NAV1: variants seen among roughly 807,000 people sequenced by gnomAD.
NAV1 encodes the protein pore membrane and/or filament interacting like protein 3.
In NAV1, 18 loss-of-function variants were observed where a neutral mutation model predicts 175.2. The ratio of observed to expected loss-of-function variants is 0.10; its 90% CI spans 0.07 to 0.15. The LOEUF is 0.15. NAV1 is among the 10% of genes least tolerant of loss of function. The pLI, the probability that NAV1 is intolerant of heterozygous loss-of-function variation, is 1.00. For missense variants in NAV1, 1,731 were observed against 2,436.6 expected, an observed-to-expected ratio of 0.71 and a Z score of 6.10; for synonymous variants, 897 against 978.7, an observed-to-expected ratio of 0.92 and a Z score of 1.56.
intron 2 of NAV1, among the ~76,000 whole-genome samples, chr1:201,715,749 G>A (rs911300025): frequency 3.9e-5 from 6 of 152,216 alleles, no homozygotes; most frequent in African/African-American, 1.2e-4. Context: ...TTTTCACCCA[G>A]GAACTCCCAG....
chr1:201,665,614 C>G (rs1267549237), intron 1 of NAV1, among the ~76,000 whole-genome samples: 1 of 151,712 alleles, frequency 6.6e-6, no homozygotes, highest in East Asian at 1.9e-4. Flanking sequence ...CCACCACCTC[C>G]TGAGGTCAGC....
chr1:201,710,038 A>G (rs1190180013), intron 1 of NAV1, among the ~76,000 whole-genome samples: 1 of 151,986 alleles, frequency 6.6e-6, no homozygotes, highest in Admixed American at 6.6e-5. Context: ...GAGGGAAGAG[A>G]TATGGAGAAA....
chr1:201,793,320 G>GTA, intron 13 of NAV1: 1 of 154,444 alleles, frequency 6.5e-6, no homozygotes, highest in Non-Finnish European at 1.4e-5. Flanking sequence ...GTGAAGCAGT[G>GTA]GAGTAGCAGA....
At chr1:201,605,284 G>A (rs776206247) in intron 2 of NAV1, among the ~76,000 whole-genome samples, 21 of 151,456 alleles carry the variant, frequency 1.4e-4, no homozygotes, top group African/African-American at 4.9e-4. Context: ...CCAGCATCTC[G>A]TTGCCTAGCA....
At chr1:201,638,027 C>G (rs1236129524) in intron 2 of NAV1, among the ~76,000 whole-genome samples, 3 of 152,192 alleles carry the variant, frequency 2.0e-5, no homozygotes, top group Admixed American at 2.0e-4. Flanking sequence ...AGTACAGTTT[C>G]AGACAGAGTA....
intron 3 of NAV1, among the ~76,000 whole-genome samples, chr1:201,726,602 C>T (rs1029136228): frequency 3.4e-5 from 5 of 148,650 alleles, no homozygotes; most frequent in African/African-American, 5.0e-5. Flanking sequence ...GAGCCAAGAT[C>T]GCACCACTCC....
At chr1:201,650,532 G>A (rs1443858625) in intron 1 of NAV1, among the ~76,000 whole-genome samples, 4 of 152,218 alleles carry the variant, frequency 2.6e-5, no homozygotes, top group African/African-American at 9.7e-5. Flanking sequence ...CCGCCCGCTG[G>A]GGGCTGGGAA....
intron 1 of NAV1, among the ~76,000 whole-genome samples, chr1:201,654,944 G>C (rs1464508742): frequency 6.6e-6 from 1 of 152,182 alleles, no homozygotes; most frequent in Non-Finnish European, 1.5e-5. Context: ...GTCTGAATTT[G>C]CTCTCTGGAT....
At chr1:201,800,201 A>C (rs1677761278) in intron 15 of NAV1, among the ~76,000 whole-genome samples, 1 of 151,998 alleles carries the variant, frequency 6.6e-6, no homozygotes, top group East Asian at 1.9e-4. Context: ...GGGTTTGGCT[A>C]TGTTGCCCAG....
chr1:201,710,059 C>T (rs1424863375), intron 1 of NAV1, among the ~76,000 whole-genome samples: 2 of 151,728 alleles, frequency 1.3e-5, no homozygotes, highest in African/African-American at 2.4e-5. Context: ...GAGGGTCAAA[C>T]CTGTGACCTA....
At chr1:201,682,742 T>C (rs1427489801) in intron 1 of NAV1, among the ~76,000 whole-genome samples, 1 of 151,786 alleles carries the variant, frequency 6.6e-6, no homozygotes, top group African/African-American at 2.4e-5. Flanking sequence ...AATGTGTAAG[T>C]GGACCCACTA....
chr1:201,591,666 C>T (rs1197292821), intron 2 of NAV1, among the ~76,000 whole-genome samples: 3 of 152,194 alleles, frequency 2.0e-5, no homozygotes, highest in Non-Finnish European at 2.9e-5. Flanking sequence ...ACCCTGGGCC[C>T]CACCCCAGCT....
At chr1:201,716,356 T>C (rs1291467083) in intron 2 of NAV1, among the ~76,000 whole-genome samples, 5 of 152,222 alleles carry the variant, frequency 3.3e-5, no homozygotes, top group African/African-American at 1.2e-4. Flanking sequence ...GTGGGTTTGC[T>C]CCTCTTTGAT....
At position 201,649,418 on chromosome 1, in the gene NAV1, G is replaced by C. The variant is rs74136656; in HGVS notation, c.750G>C (p.Gln250His). 1.3e-3 allele frequency: 2,098 copies of C among 1,554,246 alleles called. 27 individuals carry two copies. In the African/African-American group the frequency reaches 0.026, roughly 19 times the overall value. ...ACCTGGAGCAGCTGCTCTTCAGCCA[G>C]ATGCTGGGTAAGTCCTGCCGCCCCG... The change falls in exon 1 of 30, where the codon CAG becomes CAC. Residue 250 changes from glutamine (Q) to histidine (H), a missense_variant. Around this residue, in one of 13 missense-constraint regions of NAV1, gnomAD observed 487 missense variants for 581.3 expected, o/e 0.84. Coordinates refer to ENST00000367296, the Ensembl canonical transcript of NAV1.
intron 1 of NAV1, among the ~76,000 whole-genome samples, chr1:201,555,726 G>A (rs1385937098): frequency 6.6e-6 from 1 of 152,084 alleles, no homozygotes; most frequent in Non-Finnish European, 1.5e-5. Flanking sequence ...CCCTCTTCCT[G>A]TGCAGGAAAC....
chr1:201,703,273 CA>C (rs1248548079), intron 1 of NAV1, among the ~76,000 whole-genome samples: 1 of 152,216 alleles, frequency 6.6e-6, no homozygotes, highest in Non-Finnish European at 1.5e-5. Context: ...TGTTGGGGAA[CA>C]GAGGGCCACG....
intron 15 of NAV1, among the ~76,000 whole-genome samples, chr1:201,802,468 AAAAAAAAAG>A (rs1677983965): frequency 8.0e-6 from 1 of 125,716 alleles, no homozygotes; most frequent in South Asian, 3.2e-4. Context: ...AAAAAAAAAA[AAAAAAAAAG>A]AAAGAAAGAA....
In NAV1 at chr1:201,794,740, AG is replaced by A. The variant is rs1372043179; in HGVS notation, c.3517+164del. The A allele has an allele frequency of 4.5e-6, 3 of 671,646 alleles. No individual in the cohort carries two copies. In the South Asian group the frequency reaches 5.6e-5, roughly 13 times the overall value. 41.6% of individuals were successfully genotyped at this position (671,646 alleles called of 1,614,324 possible). A position where few individuals can be genotyped will look rare whatever the true frequency, so the allele number is the denominator to read the frequency against. ...GTGATGTCTGGACTGGTCAGTGAGG[AG>A]TACCAGGGGCATGACCCCAGCTTCC... On this transcript the variant is annotated intron_variant, in intron 15 of 29. Coordinates refer to ENST00000367296, the Ensembl canonical transcript of NAV1.
chr1:201,640,207 CCA>C (rs1476166322), intron 2 of NAV1, among the ~76,000 whole-genome samples: 1 of 152,212 alleles, frequency 6.6e-6, no homozygotes, highest in Non-Finnish European at 1.5e-5. Context: ...AAATCCCCAA[CCA>C]CTGAACTCAG....
Sources: gnomAD v4.1 joint callset for allele counts (sites outside exome capture counted in the v4.1 genomes callset) on GRCh38, gnomAD v4.1.1 for gene constraint, gnomAD v4.1.1 regional missense constraint, MANE v1.5 for transcripts, NCBI Gene and HGNC (gene_info 2026-07-23, HGNC 2026-07-21) for gene names.